YTHDC2: variants seen among roughly 807,000 people sequenced by gnomAD.
YTHDC2 encodes YTH N6-methyladenosine RNA binding protein C2, also known as 3'-5' RNA helicase YTHDC2.
In YTHDC2, 45 loss-of-function variants were observed where a neutral mutation model predicts 174.9. That is an observed-to-expected ratio of 0.26 (90% CI 0.20 to 0.33). The LOEUF is 0.33. YTHDC2 is among the 10% of genes least tolerant of loss of function. The pLI is 1.00. For synonymous variants in YTHDC2, 657 were observed against 574.5 expected (o/e 1.14, Z -2.05); for missense variants, 1,650 against 1,723.7 (o/e 0.96, Z 0.76).
intron 24 of YTHDC2, chr5:113,581,124 A>G (rs1457941467): frequency 4.3e-6 from 1 of 231,084 alleles, no homozygotes; most frequent in Non-Finnish European, 8.2e-6. Context: ...TGAGCTACAT[A>G]TATTTTTATT....
intron 12 of YTHDC2, among the ~76,000 whole-genome samples, chr5:113,551,173 T>C (rs551989162): frequency 5.5e-4 from 83 of 152,198 alleles, no homozygotes; most frequent in African/African-American, 1.8e-3. Context: ...ATTTCTGATA[T>C]GGTAGGTTTA....
intron 17 of YTHDC2, among the ~76,000 whole-genome samples, chr5:113,559,794 G>A (rs183892304): frequency 6.6e-6 from 1 of 152,194 alleles, no homozygotes; most frequent in Non-Finnish European, 1.5e-5. Flanking sequence ...TGGAAGAATT[G>A]TAACAGAAGA....
At chr5:113,525,726 T>C (rs558422348) in intron 3 of YTHDC2, among the ~76,000 whole-genome samples, 17 of 152,208 alleles carry the variant, frequency 1.1e-4, no homozygotes, top group African/African-American at 4.1e-4. Flanking sequence ...AGGTAGATAA[T>C]GTATTTGGGT....
chr5:113,536,457 G>A (rs541633830), intron 7 of YTHDC2, among the ~76,000 whole-genome samples: 7 of 152,246 alleles, frequency 4.6e-5, no homozygotes, highest in South Asian at 2.1e-4. Flanking sequence ...CCCAGGAGGC[G>A]GAGCTTGCAG....
chr5:113,514,285 G>T (rs576812750), intron 1 of YTHDC2: 1 of 717,114 alleles, frequency 1.4e-6, no homozygotes, highest in Admixed American at 2.0e-5. Context: ...GGTGCTCTGC[G>T]GATCAATGGG....
At chr5:113,572,862 G>A (rs1363712725) in intron 23 of YTHDC2, among the ~76,000 whole-genome samples, 1 of 152,150 alleles carries the variant, frequency 6.6e-6, no homozygotes. Context: ...TTGCATGTGA[G>A]ATGGGTCTTT....
intron 2 of YTHDC2, among the ~76,000 whole-genome samples, chr5:113,521,730 CAAA>C (rs775698646): frequency 3.5e-5 from 2 of 57,122 alleles, no homozygotes; most frequent in Non-Finnish European, 6.9e-5. Context: ...GACTCTGTCT[CAAA>C]AAAAAAAAAA....
intron 5 of YTHDC2, 122 bp downstream of exon 5, chr5:113,533,167 T>C: frequency 9.6e-7 from 1 of 1,043,914 alleles, no homozygotes; most frequent in Non-Finnish European, 1.4e-6. Context: ...CAAGTAAGTC[T>C]ACATCAAGAT....
rs747467669 is a variant in YTHDC2, at chr5:113,564,037, C to T, written c.2621C>T (p.Thr874Ile). 1.2e-5 allele frequency: 19 copies of T among 1,613,988 alleles called. No homozygotes were observed. Among genetic ancestry groups the T allele is most frequent in the African/African-American group, 1.3e-5 (1 of 74,918 alleles). Residue 874 changes from threonine (T) to isoleucine (I), a missense_variant, in exon 20 of 30, where the codon ACT (threonine) becomes ATT (isoleucine). Physicochemically the swap from Thr to Ile is moderately conservative, Grantham distance 89. Around this residue, in one of 5 missense-constraint regions of YTHDC2, gnomAD observed 913 missense variants for 940.4 expected, o/e 0.97. Transcript: ENST00000161863. The stretch of plus-strand genomic sequence containing the variant: ...TATCGAGATCCTTTTGTACTACCTA[C>T]TCAGGCCTCTCAAAAACGTGCAGCT... ...LAYRDPFVLP[T>I]QASQKRAAML... is the part of the protein sequence containing the mutation.
At chr5:113,561,021 A>T in intron 17 of YTHDC2, 59 bp from the exon 18 acceptor site, 2 of 1,381,168 alleles carry the variant, frequency 1.4e-6, no homozygotes, top group Non-Finnish European at 2.0e-6. Context: ...CATTGCGTTT[A>T]CAGTTTATTG....
Position 113,534,386 on chromosome 5 carries a change from G to A in YTHDC2, c.924G>A (p.Ser308=), listed in dbSNP as rs138017553. 5.6e-6 allele frequency: 9 copies of A among 1,611,574 alleles called. No individual in the cohort carries two copies. Among genetic ancestry groups the A allele is most frequent in the East Asian group, 4.5e-5 (2 of 44,796 alleles). The change falls in exon 6 of 30, where the codon TCG becomes TCA. Residue 308 remains serine (S), a synonymous_variant. Coordinates refer to ENST00000161863, the MANE Select transcript of YTHDC2 (RefSeq NM_022828.5). ...TGATGGCAGGAGATAGTACGTTGTC[G>A]ACTGTGACACATGTTATCGTGGTAA... ...RTLMAGDSTL[S]TVTHVIVDEV...
chr5:113,567,233 G>C lies in YTHDC2; in HGVS notation c.2984G>C (p.Gly995Ala), dbSNP rs567355230. The C allele has an allele frequency of 6.2e-7, 1 of 1,613,022 alleles. No individual in the cohort carries two copies. Among genetic ancestry groups the C allele is most frequent in the Non-Finnish European group, 8.5e-7 (1 of 1,179,730 alleles). Residue 995 changes from glycine to alanine, a missense_variant, in exon 22 of 30, where the codon GGG becomes GCG. Physicochemically the swap from Gly to Ala is moderately conservative, Grantham distance 60. Transcript: ENST00000161863. ...GACAGAGAGAATCTAGTGTTGACAGGGCCAAAGGAGAAAAAAGTACGATTT... is the reference window on the plus strand; with the variant it reads ...GACAGAGAGAATCTAGTGTTGACAGCGCCAAAGGAGAAAAAAGTACGATTT... ...HVDRENLVLTGPKEKKVRFHP... is the reference protein window; with the variant it reads ...HVDRENLVLTAPKEKKVRFHP...
intron 9 of YTHDC2, 136 bp downstream of exon 9, chr5:113,541,252 C>A: frequency 1.0e-6 from 1 of 959,242 alleles, no homozygotes; most frequent in Non-Finnish European, 1.6e-6. Flanking sequence ...AGTGGAGTGG[C>A]GTGATCTCGG....
At chr5:113,555,136 T>C (rs987959056) in intron 16 of YTHDC2, among the ~76,000 whole-genome samples, 2 of 152,020 alleles carry the variant, frequency 1.3e-5, no homozygotes, top group Non-Finnish European at 2.9e-5. Context: ...CAGATTTTAT[T>C]GCCCTAAAAT....
At chr5:113,584,148 C>A in intron 25 of YTHDC2, 154 bp from the exon 26 acceptor site, 1 of 592,804 alleles carries the variant, frequency 1.7e-6, no homozygotes, top group Non-Finnish European at 2.7e-6. Context: ...TATTTCCTGA[C>A]CTTAGTATTT....
In YTHDC2 at chr5:113,525,079, C is replaced by G. The variant is rs913959093; in HGVS notation, c.377C>G (p.Ala126Gly). The change falls in exon 3 of 30, where the codon GCT (alanine) becomes GGT (glycine). Residue 126 changes from alanine (A) to glycine (G), a missense_variant. Physicochemically the swap from Ala to Gly is moderately conservative, Grantham distance 60. This residue lies in a region of YTHDC2 where 304 missense variants were observed against 341.4 expected (regional missense o/e 0.89). Coordinates refer to ENST00000161863, the MANE Select transcript of YTHDC2 (RefSeq NM_022828.5). ...AATTTGACTCATAATACAAAACATG[C>G]TGTTAGGAGCCTAATTCAAAGATTT... is the stretch of plus-strand genomic sequence containing the variant. ...TCNLTHNTKHAVRSLIQRFPV... is the reference protein window; with the variant it reads ...TCNLTHNTKHGVRSLIQRFPV... 1.9e-6 allele frequency: 3 copies of G among 1,612,274 alleles called. No individual in the cohort carries two copies. The highest frequency in any genetic ancestry group is 1.7e-6 in the Non-Finnish European group (2 of 1,178,992).
chr5:113,566,053 T>TA (rs772013401), intron 21 of YTHDC2, 34 bp downstream of exon 21: 4 of 1,571,766 alleles, frequency 2.5e-6, no homozygotes, highest in Non-Finnish European at 3.4e-6. Context: ...CTATTTAAGT[T>TA]ACTGAGAGTA....
chr5:113,560,846 A>G (rs1034854468), intron 17 of YTHDC2, among the ~76,000 whole-genome samples: 1 of 152,154 alleles, frequency 6.6e-6, no homozygotes, highest in Non-Finnish European at 1.5e-5. Context: ...CCATAACCCT[A>G]CAAGATGTAT....
At chr5:113,593,093 C>T (rs988386814) in intron 28 of YTHDC2, 30 of 360,944 alleles carry the variant, frequency 8.3e-5, no homozygotes, top group Non-Finnish European at 1.2e-4. Flanking sequence ...AGAGATTTTG[C>T]AGATTAACTG....
Sources: allele counts gnomAD v4.1 joint callset (sites outside exome capture counted in the v4.1 genomes callset), GRCh38; gene constraint gnomAD v4.1.1; regional missense constraint gnomAD v4.1.1; transcripts MANE v1.5; gene names NCBI Gene and HGNC (gene_info 2026-07-23, HGNC 2026-07-21).